Variants in FAT3 observed in about 807,000 individuals in gnomAD.
FAT3 encodes the protein FAT atypical cadherin 3.
Under a neutral mutation model 310.2 loss-of-function variants are expected in FAT3, and 95 were observed. The ratio of observed to expected loss-of-function variants is 0.31; its 90% CI spans 0.26 to 0.36. The LOEUF is 0.36. Among genes scored for constraint, FAT3 ranks in the 10% least tolerant of loss-of-function variants. FAT3 has a pLI of 1.00. For synonymous variants in FAT3, 2,314 were observed against 2,192.9 expected (o/e 1.06, Z -1.54); for missense variants, 5,408 against 5,715.6 (o/e 0.95, Z 1.74).
At chr11:92,591,751 T>C (rs551520373) in intron 3 of FAT3, among the ~76,000 whole-genome samples, 1 of 152,320 alleles carries the variant, frequency 6.6e-6, no homozygotes, top group Admixed American at 6.5e-5. Flanking sequence ...TTTATCATTT[T>C]AGCTGCAGGC....
intron 7 of FAT3, among the ~76,000 whole-genome samples, chr11:92,777,987 G>A (rs1946638994): frequency 6.6e-6 from 1 of 151,860 alleles, no homozygotes; most frequent in African/African-American, 2.4e-5. Flanking sequence ...AGACATCAGA[G>A]CCCTGTCTCT....
At chr11:92,683,465 G>T (rs1284231805) in intron 3 of FAT3, among the ~76,000 whole-genome samples, 1 of 152,056 alleles carries the variant, frequency 6.6e-6, no homozygotes, top group Non-Finnish European at 1.5e-5. Context: ...TTTCTAACTG[G>T]AAAACTTCTA....
intron 2 of FAT3, among the ~76,000 whole-genome samples, chr11:92,412,750 T>TATATATATAC (rs1950319479): frequency 1.5e-4 from 10 of 66,978 alleles, no homozygotes; most frequent in African/African-American, 2.3e-4. Context: ...TATATAAATA[T>TATATATATAC]ACATACATAT....
At chr11:92,252,767 A>T (rs533072233) in intron 1 of FAT3, among the ~76,000 whole-genome samples, 34 of 152,248 alleles carry the variant, frequency 2.2e-4, no homozygotes, top group Admixed American at 8.5e-4. Flanking sequence ...TAAAAGACAG[A>T]TTCACAAATC....
intron 3 of FAT3, among the ~76,000 whole-genome samples, chr11:92,671,241 C>T (rs183424207): frequency 6.6e-5 from 10 of 152,040 alleles, no homozygotes; most frequent in Middle Eastern, 3.4e-3. Context: ...AACGGGGTTT[C>T]GTCATGTTGG....
At chr11:92,540,174 G>A (rs1208062685) in intron 3 of FAT3, among the ~76,000 whole-genome samples, 1 of 152,038 alleles carries the variant, frequency 6.6e-6, no homozygotes, top group Non-Finnish European at 1.5e-5. Context: ...TTTCTTCCAG[G>A]GCTCTGCCTT....
rs1565319975 is a variant in FAT3, at chr11:92,442,084, TATATATA to T, written c.3293-82549_3293-82543del. 3.0e-4 allele frequency among the ~76,000 whole-genome samples: 19 copies of T among 63,192 alleles called. 1 individual carries two copies. Among genetic ancestry groups the T allele is most frequent in the African/African-American group, 1.5e-3 (15 of 9,902 alleles). 41.5% of individuals were successfully genotyped at this position (63,192 alleles called of 152,430 possible). A position where few individuals can be genotyped will look rare whatever the true frequency, so the allele number is the denominator to read the frequency against. ...CAAAACTTAAGAAATATATATTTTA[TATATATA>T]TATATATATATATATATATATTTTT... On this transcript the variant is annotated intron_variant, in intron 2 of 27. Transcript: ENST00000525166.
At chr11:92,669,517 C>T (rs147269975) in intron 3 of FAT3, among the ~76,000 whole-genome samples, 28 of 152,196 alleles carry the variant, frequency 1.8e-4, no homozygotes, top group Non-Finnish European at 3.7e-4. Flanking sequence ...GCCTCTTGAT[C>T]CCAGATCTGG....
At chr11:92,516,269 A>C (rs1953480089) in intron 2 of FAT3, among the ~76,000 whole-genome samples, 1 of 152,158 alleles carries the variant, frequency 6.6e-6, no homozygotes, top group Non-Finnish European at 1.5e-5. Flanking sequence ...ATCCAGCAGC[A>C]CATCAAAAAG....
chr11:92,621,644 A>G (rs1941094280), intron 3 of FAT3, among the ~76,000 whole-genome samples: 1 of 152,184 alleles, frequency 6.6e-6, no homozygotes, highest in Non-Finnish European at 1.5e-5. Context: ...AGCATTAATG[A>G]TCAGGATTGT....
chr11:92,791,758 A>G (rs1947045931), intron 8 of FAT3, among the ~76,000 whole-genome samples: 1 of 152,208 alleles, frequency 6.6e-6, no homozygotes, highest in Non-Finnish European at 1.5e-5. Context: ...AGCCAAGTGC[A>G]CATATTTGAT....
At chr11:92,701,009 A>T (rs960869488) in intron 4 of FAT3, among the ~76,000 whole-genome samples, 1 of 152,210 alleles carries the variant, frequency 6.6e-6, no homozygotes, top group Admixed American at 6.5e-5. Context: ...GTTGTCTGTT[A>T]TACACAAAAT....
In FAT3 at chr11:92,257,812, C is replaced by T. The variant is rs192407651; in HGVS notation, c.-18+32638C>T. Among the ~76,000 whole-genome samples, 32 of 152,182 alleles carry T rather than the reference C, an allele frequency of 2.1e-4. No homozygotes were observed. The East Asian group carries it at 4.5e-3, about 21-fold the overall frequency. On this transcript the variant is annotated intron_variant, in intron 1 of 27. Coordinates refer to ENST00000525166, the MANE Select transcript of FAT3 (RefSeq NM_001367949.2). Reference sequence around the variant, plus strand: ...AACTACATTTTAATGAACAATATAACCTAATTATGATTGAGCATTTTACTT... The same window carrying T: ...AACTACATTTTAATGAACAATATAATCTAATTATGATTGAGCATTTTACTT...
chr11:92,511,376 C>CTT (rs969915169), intron 2 of FAT3, among the ~76,000 whole-genome samples: 4 of 148,168 alleles, frequency 2.7e-5, no homozygotes, highest in Admixed American at 2.0e-4. Flanking sequence ...GTTGACTCTT[C>CTT]TTTTTTTTTT....
intron 3 of FAT3, among the ~76,000 whole-genome samples, chr11:92,692,523 T>G (rs1047781940): frequency 2.0e-5 from 3 of 152,208 alleles, no homozygotes; most frequent in Non-Finnish European, 1.5e-5. Context: ...GTGGGCTTAG[T>G]TGTGTTTAAA....
intron 2 of FAT3, among the ~76,000 whole-genome samples, chr11:92,398,500 CAAAAAAAAAA>C (rs35977408): frequency 1.2e-5 from 1 of 80,702 alleles, no homozygotes; most frequent in African/African-American, 4.2e-5. Context: ...AACTCCGTCC[CAAAAAAAAAA>C]AAAAAAAAAA....
intron 1 of FAT3, among the ~76,000 whole-genome samples, chr11:92,305,639 G>A (rs1169910270): frequency 6.6e-6 from 1 of 152,086 alleles, no homozygotes; most frequent in African/African-American, 2.4e-5. Context: ...ATATGATACA[G>A]GTGAAAGAAC....
rs1950018696 is a variant in FAT3 at position 92,895,872 on chromosome 11, T to C, written c.*4759T>C. ...ATGCTTTAATTTGGGGGGTCGAATATAATTGTAAGTCATCCACGCTGTTGG... is the reference window on the plus strand; with the variant it reads ...ATGCTTTAATTTGGGGGGTCGAATACAATTGTAAGTCATCCACGCTGTTGG... On this transcript the variant is annotated 3_prime_UTR_variant, in exon 28 of 28. Coordinates refer to ENST00000525166, the MANE Select transcript of FAT3 (RefSeq NM_001367949.2). 6.6e-6 allele frequency: 1 copy of C among 152,146 alleles called. No individual in the cohort carries two copies. The highest frequency in any genetic ancestry group is 6.5e-5 in the Admixed American group (1 of 15,272). 9.4% of individuals were successfully genotyped at this position (152,146 alleles called of 1,614,324 possible). A position where few individuals can be genotyped will look rare whatever the true frequency, so the allele number is the denominator to read the frequency against.
intron 3 of FAT3, among the ~76,000 whole-genome samples, chr11:92,569,951 G>T (rs1364263690): frequency 6.6e-6 from 1 of 152,100 alleles, no homozygotes; most frequent in Non-Finnish European, 1.5e-5. Flanking sequence ...TTGTCAGCCT[G>T]TGATATGTTA....
Sources: allele counts gnomAD v4.1 joint callset (sites outside exome capture counted in the v4.1 genomes callset), GRCh38; gene constraint gnomAD v4.1.1; transcripts MANE v1.5; gene names NCBI Gene and HGNC (gene_info 2026-07-23, HGNC 2026-07-21).